PRKCZ: variants seen among roughly 807,000 people sequenced by gnomAD.
The protein encoded by PRKCZ is protein kinase C zeta type.
Under a neutral mutation model 79.5 loss-of-function variants are expected in PRKCZ, and 33 were observed. The ratio of observed to expected loss-of-function variants is 0.41; its 90% CI spans 0.31 to 0.55. The LOEUF is 0.55. PRKCZ is among the 20% of genes least tolerant of loss of function. PRKCZ has a pLI of 0.19. For synonymous variants in PRKCZ, 342 were observed against 320.9 expected (o/e 1.07, Z -0.70); for missense variants, 578 against 813.5 (o/e 0.71, Z 3.52).
At chr1:2,089,140 G>A (rs972241352) in intron 4 of PRKCZ, among the ~76,000 whole-genome samples, 1 of 152,210 alleles carries the variant, frequency 6.6e-6, no homozygotes, top group African/African-American at 2.4e-5. Context: ...GCAGTAGAGT[G>A]TTTTCCTTAG....
intron 2 of PRKCZ, 139 bp from the exon 3 acceptor site, chr1:2,056,345 C>T: frequency 1.3e-6 from 1 of 746,630 alleles, no homozygotes; most frequent in East Asian, 2.9e-5. Context: ...GACCTCCCGA[C>T]CCTGCCAGGA....
intron 4 of PRKCZ, among the ~76,000 whole-genome samples, chr1:2,062,699 G>C (rs573972154): frequency 2.6e-5 from 4 of 151,832 alleles, no homozygotes; most frequent in African/African-American, 9.7e-5. Flanking sequence ...TGTTGCCCAG[G>C]CTAGTCTCGA....
At chr1:2,167,672 C>G (rs1429497580) in intron 10 of PRKCZ, among the ~76,000 whole-genome samples, 1 of 152,198 alleles carries the variant, frequency 6.6e-6, no homozygotes, top group African/African-American at 2.4e-5. Context: ...GGCGCAATCT[C>G]AGCTCACTGC....
intron 4 of PRKCZ, among the ~76,000 whole-genome samples, chr1:2,133,376 T>G (rs1433564982): frequency 6.7e-6 from 1 of 150,260 alleles, no homozygotes; most frequent in Non-Finnish European, 1.5e-5. Context: ...CCCCCTCGGC[T>G]GTGCGTCTGG....
chr1:2,117,070 C>T (rs1234206177), intron 4 of PRKCZ, among the ~76,000 whole-genome samples: 1 of 152,132 alleles, frequency 6.6e-6, no homozygotes, highest in Non-Finnish European at 1.5e-5. Context: ...CCACCTCAGC[C>T]TCCCAAGTAG....
chr1:2,171,187 C>G (rs950109282), intron 11 of PRKCZ, among the ~76,000 whole-genome samples: 1 of 151,502 alleles, frequency 6.6e-6, no homozygotes, highest in Non-Finnish European at 1.5e-5. Context: ...ACTAAAAATA[C>G]AAAAAATTAT....
intron 5 of PRKCZ, among the ~76,000 whole-genome samples, chr1:2,140,515 G>C (rs537369014): frequency 6.6e-6 from 1 of 152,244 alleles, no homozygotes; most frequent in African/African-American, 2.4e-5. Flanking sequence ...AATTTAGCCA[G>C]GCGTGGTGGT....
At chr1:2,160,341 G>A (rs1263011637) in intron 10 of PRKCZ, among the ~76,000 whole-genome samples, 6 of 151,912 alleles carry the variant, frequency 3.9e-5, no homozygotes, top group Admixed American at 1.3e-4. Context: ...AGAGAGTGAC[G>A]TCCCTGGAAC....
At chr1:2,158,511 G>A (rs1681561870) in intron 10 of PRKCZ, among the ~76,000 whole-genome samples, 2 of 152,202 alleles carry the variant, frequency 1.3e-5, no homozygotes, top group Admixed American at 1.3e-4. Context: ...CTCCCTTTGT[G>A]CATTCCCATT....
chr1:2,098,771 T>A (rs1336752987), intron 4 of PRKCZ, among the ~76,000 whole-genome samples: 1 of 152,234 alleles, frequency 6.6e-6, no homozygotes, highest in South Asian at 2.1e-4. Flanking sequence ...GAGCTCCACC[T>A]CTCGGGTTCA....
At chr1:2,120,839 C>CT (rs35674338) in intron 4 of PRKCZ, among the ~76,000 whole-genome samples, 99 of 103,088 alleles carry the variant, frequency 9.6e-4, no homozygotes, top group East Asian at 5.0e-3. Context: ...CCATTTGATT[C>CT]TTTTTTTTTT....
In PRKCZ at chr1:2,173,406, T is replaced by C. The variant is rs1347017833; in HGVS notation, c.1286-491T>C. On this transcript the variant is annotated intron_variant, in intron 13 of 17. Coordinates refer to ENST00000378567, the MANE Select transcript of PRKCZ (RefSeq NM_002744.6). The surrounding 1 kb of genome is among the most constrained non-coding windows in gnomAD (Gnocchi z 5.7). ...CTTCCGGGGACGCAGAGACAGCTGC[T>C]GTCCTTGGGCAAAACGGGTCAGGGT... Among the ~76,000 whole-genome samples the C allele has an allele frequency of 1.3e-5, 2 of 152,214 alleles. No homozygotes were observed. Among genetic ancestry groups the C allele is most frequent in the Non-Finnish European group, 2.9e-5 (2 of 68,036 alleles).
chr1:2,101,781 C>T (rs1667478802), intron 4 of PRKCZ, among the ~76,000 whole-genome samples: 1 of 152,158 alleles, frequency 6.6e-6, no homozygotes, highest in Middle Eastern at 3.2e-3. Context: ...CACAGTGCTC[C>T]ACAGCAAAGA....
chr1:2,096,772 G>T (rs1666597160), intron 4 of PRKCZ, among the ~76,000 whole-genome samples: 1 of 152,178 alleles, frequency 6.6e-6, no homozygotes, highest in African/African-American at 2.4e-5. Context: ...TTTTCCTCTA[G>T]CCGAGGTCAG....
At chr1:2,073,697 TACCACCCGGGCCTGGA>T (rs1034829888) in intron 4 of PRKCZ, 1 of 992,224 alleles carries the variant, frequency 1.0e-6, no homozygotes, top group African/African-American at 1.7e-5. Context: ...GGGAGCCGGG[TACCACCCGGGCCTGGA>T]GACATGAGGA....
chr1:2,055,429 C>T lies in PRKCZ; in HGVS notation c.72-12C>T, dbSNP rs1660076402. On this transcript the variant is annotated splice_polypyrimidine_tract_variant and intron_variant, in intron 1 of 17. Transcript: ENST00000378567. Reference sequence around the variant, plus strand: ...CCCACGGTAACAGATGCCCATGTCCCCTCTGCCCCAGGGACATCTTCATCA... The same window carrying T: ...CCCACGGTAACAGATGCCCATGTCCTCTCTGCCCCAGGGACATCTTCATCA... 1.2e-6 allele frequency: 2 copies of T among 1,603,032 alleles called. No individual in the cohort carries two copies. Among genetic ancestry groups the T allele is most frequent in the Non-Finnish European group, 1.7e-6 (2 of 1,173,360 alleles).
chr1:2,052,632 C>G (rs999859228), intron 1 of PRKCZ, among the ~76,000 whole-genome samples: 22 of 152,068 alleles, frequency 1.4e-4, no homozygotes, highest in Non-Finnish European at 8.8e-5. Flanking sequence ...AAGTACCCTT[C>G]TCCCCGTTCT....
intron 4 of PRKCZ, among the ~76,000 whole-genome samples, chr1:2,096,853 C>T (rs1200818225): frequency 6.6e-6 from 1 of 152,184 alleles, no homozygotes; most frequent in Non-Finnish European, 1.5e-5. Context: ...CCTGGGTTGC[C>T]ATGAGGCACC....
intron 4 of PRKCZ, chr1:2,074,166 A>G: frequency 6.5e-7 from 1 of 1,548,928 alleles, no homozygotes; most frequent in Non-Finnish European, 8.7e-7. Flanking sequence ...AAACGCAGTG[A>G]GAGGCTGTTG....
Sources: allele counts gnomAD v4.1 joint callset (sites outside exome capture counted in the v4.1 genomes callset), GRCh38; gene constraint gnomAD v4.1.1; non-coding constraint Gnocchi (gnomAD v3.1); transcripts MANE v1.5; gene names NCBI Gene and HGNC (gene_info 2026-07-23, HGNC 2026-07-21).